Variants in DNMT1 observed in about 807,000 individuals in gnomAD.
The protein encoded by DNMT1 is DNA (cytosine-5)-methyltransferase 1.
In DNMT1, 24 loss-of-function variants were observed where a neutral mutation model predicts 205.3. The observed-to-expected ratio is 0.12, with a 90% CI of 0.08 to 0.16. The LOEUF is 0.16. DNMT1 is among the 10% of genes least tolerant of loss of function. The pLI, the probability that DNMT1 is intolerant of heterozygous loss-of-function variation, is 1.00. For missense variants in DNMT1, 1,293 were observed against 2,177.7 expected, an observed-to-expected ratio of 0.59 and a Z score of 8.09; for synonymous variants, 817 against 839.8, an observed-to-expected ratio of 0.97 and a Z score of 0.47.
chr19:10,153,060 C>T (rs954655276), intron 22 of DNMT1, among the ~76,000 whole-genome samples: 4 of 151,918 alleles, frequency 2.6e-5, no homozygotes, highest in South Asian at 2.1e-4. Context: ...GAAAGAAGAA[C>T]GCACACTGCT....
chr19:10,146,624 G>A lies in DNMT1; in HGVS notation c.2721-100C>T. On this transcript the variant is annotated intron_variant, in intron 27 of 40. Coordinates refer to ENST00000359526, the MANE Select transcript of DNMT1 (RefSeq NM_001130823.3). This position sits in a 1 kb window ranked among gnomAD's most constrained non-coding sequence, Gnocchi z 4.4. ...AATCCAGAGACTCTGGTAACCAAGA[G>A]GAAAAAACATTTGCAGATGCTAGAA... 2 of 1,481,096 alleles carry A rather than the reference G, an allele frequency of 1.4e-6. No homozygotes were observed. Among genetic ancestry groups the A allele is most frequent in the Admixed American group, 3.9e-5 (2 of 51,238 alleles). 91.7% of individuals were successfully genotyped at this position (1,481,096 alleles called of 1,614,324 possible). A position where few individuals can be genotyped will look rare whatever the true frequency, so the allele number is the denominator to read the frequency against.
chr19:10,136,109 CT>C lies in DNMT1; in HGVS notation c.4656+11del, dbSNP rs2089476626. The C allele has an allele frequency of 6.2e-7, 1 of 1,613,802 alleles. No individual in the cohort carries two copies. Among genetic ancestry groups the C allele is most frequent in the African/African-American group, 1.3e-5 (1 of 74,946 alleles). ...CCTGACCCAGGCCCTCGGATGCCCC[CT>C]CCCCACCTACCTGCTTGCCCATGGG... On this transcript the variant is annotated intron_variant, in intron 38 of 40. Coordinates refer to ENST00000359526, the MANE Select transcript of DNMT1 (RefSeq NM_001130823.3).
intron 7 of DNMT1, among the ~76,000 whole-genome samples, chr19:10,174,736 C>A (rs10413185): frequency 0.41 from 60,962 of 149,156 alleles, 12,763 homozygotes; most frequent in Middle Eastern, 0.48. Flanking sequence ...ACAACAACAA[C>A]AAAAAAAACA....
At chr19:10,169,110 G>A (rs1205048738) in intron 9 of DNMT1, among the ~76,000 whole-genome samples, 1 of 152,056 alleles carries the variant, frequency 6.6e-6, no homozygotes, top group Non-Finnish European at 1.5e-5. Flanking sequence ...CATTACAGGC[G>A]TGAGCCACCA....
rs1451708378 is a variant in DNMT1, at chr19:10,159,711, C to T, written c.1227G>A (p.Glu409=). The change falls in exon 17 of 41, where the codon GAG becomes GAA. Residue 409 remains glutamate, a synonymous_variant. Coordinates refer to ENST00000359526, the MANE Select transcript of DNMT1 (RefSeq NM_001130823.3). This position sits in a 1 kb window ranked among gnomAD's most constrained non-coding sequence, Gnocchi z 5.0. ...GCGCCTCATAACTCTCAAAGCCAGA[C>T]TCGTTGGCATCAAAGATGGACAGCT... The part of the protein sequence containing the change: ...NEKLSIFDAN[E]SGFESYEALP... 23 of 1,614,200 alleles carry T rather than the reference C, an allele frequency of 1.4e-5. No homozygotes were observed. The highest frequency in any genetic ancestry group is 1.8e-5 in the Non-Finnish European group (21 of 1,180,040).
At position 10,180,817 on chromosome 19, in the gene DNMT1, A is replaced by G. The variant is rs1166008905; in HGVS notation, c.186T>C (p.Cys62=). 6.2e-7 allele frequency: 1 copy of G among 1,614,180 alleles called. No individual in the cohort carries two copies. Among genetic ancestry groups the G allele is most frequent in the East Asian group, 2.2e-5 (1 of 44,884 alleles). The change falls in exon 3 of 41, where the codon TGT becomes TGC. Residue 62 remains cysteine (C), a synonymous_variant. Transcript: ENST00000359526. ...FLQTEIKNQL[C]DLETKLRKEE... The stretch of plus-strand genomic sequence containing the variant: ...CTTTACGTAATTTGGTTTCCAAGTC[A>G]CATAACTGATTCTTTATTTCTGTTT...
chr19:10,142,360 C>T, intron 29 of DNMT1, 140 bp from the exon 30 acceptor site: 2 of 1,169,566 alleles, frequency 1.7e-6, no homozygotes, highest in Non-Finnish European at 1.2e-6. Flanking sequence ...TAAAGACCCC[C>T]TCAGTTAGGG....
intron 17 of DNMT1, among the ~76,000 whole-genome samples, chr19:10,158,437 C>T (rs1045831375): frequency 2.6e-5 from 4 of 152,334 alleles, no homozygotes; most frequent in Admixed American, 6.5e-5. Flanking sequence ...CCTGGGGGTG[C>T]TTCCAACAGG....
At position 10,151,877 on chromosome 19, in the gene DNMT1, G is replaced by A; in HGVS notation, c.2020-30C>T. 2 of 1,606,222 alleles carry A rather than the reference G, an allele frequency of 1.2e-6. No homozygotes were observed. The highest frequency in any genetic ancestry group is 1.7e-4 in the Middle Eastern group (1 of 6,048). ...AAAATGGCATTAAAAAGGCAAATCA[G>A]GGCTGGGCACAGTGGTTCATGCCTG... On this transcript the variant is annotated intron_variant, in intron 22 of 40. Coordinates refer to ENST00000359526, the MANE Select transcript of DNMT1 (RefSeq NM_001130823.3). The surrounding 1 kb of genome is among the most constrained non-coding windows in gnomAD (Gnocchi z 5.0).
In DNMT1 at chr19:10,159,285, G is replaced by A. The variant is rs994219822; in HGVS notation, c.1280+373C>T. 4.6e-5 allele frequency among the ~76,000 whole-genome samples: 7 copies of A among 152,264 alleles called. No individual in the cohort carries two copies. The highest frequency in any genetic ancestry group is 3.3e-4 in the Admixed American group (5 of 15,288). On this transcript the variant is annotated intron_variant, in intron 17 of 40. Coordinates refer to ENST00000359526, the MANE Select transcript of DNMT1 (RefSeq NM_001130823.3). The surrounding 1 kb of genome is among the most constrained non-coding windows in gnomAD (Gnocchi z 5.0). ...GGCTGGAATGCAGTGGCACCACCTC[G>A]GCTCACTGCAGCCTCCGCCTCCAGA...
chr19:10,160,379 C>A lies in DNMT1; in HGVS notation c.1043+5G>T. The A allele has an allele frequency of 6.2e-7, 1 of 1,614,122 alleles. No homozygotes were observed. Among genetic ancestry groups the A allele is most frequent in the South Asian group, 1.1e-5 (1 of 91,070 alleles). On this transcript the variant is annotated splice_donor_5th_base_variant and intron_variant, in intron 14 of 40. Transcript: ENST00000359526. ...CTTTCGATAATGTCAAGAATAAATT[C>A]TTACGGTTCTTTGGGGGTCGTTTTG...
chr19:10,179,209 C>T (rs569030343), intron 5 of DNMT1, among the ~76,000 whole-genome samples: 51 of 151,578 alleles, frequency 3.4e-4, no homozygotes, highest in African/African-American at 1.1e-3. Flanking sequence ...AATGTTTAAC[C>T]AGGCATATAA....
At chr19:10,139,125 C>T (rs770420492) in intron 34 of DNMT1, among the ~76,000 whole-genome samples, 2 of 152,206 alleles carry the variant, frequency 1.3e-5, no homozygotes, top group South Asian at 4.1e-4. Context: ...TGAGCTGATA[C>T]AGAGAGGATG....
At chr19:10,186,038 G>A (rs544983001) in intron 1 of DNMT1, among the ~76,000 whole-genome samples, 3 of 152,168 alleles carry the variant, frequency 2.0e-5, no homozygotes, top group African/African-American at 7.2e-5. Flanking sequence ...TGACTTCTCA[G>A]TCACGCCGCT....
At position 10,168,381 on chromosome 19, in the gene DNMT1, A is replaced by G; in HGVS notation, c.769-17T>C. 1 of 1,614,034 alleles carries G rather than the reference A, an allele frequency of 6.2e-7. No individual in the cohort carries two copies. Among genetic ancestry groups the G allele is most frequent in the South Asian group, 1.1e-5 (1 of 91,084 alleles). Reference sequence around the variant, plus strand: ...CTTTTCTTCCTAAGTTGCAGGGAAAAAAGACAAGTTAATTTTTTCCATTTG... The same window carrying G: ...CTTTTCTTCCTAAGTTGCAGGGAAAGAAGACAAGTTAATTTTTTCCATTTG... On this transcript the variant is annotated splice_polypyrimidine_tract_variant and intron_variant, in intron 9 of 40. Transcript: ENST00000359526.
chr19:10,187,597 T>G (rs2039215770), intron 1 of DNMT1, among the ~76,000 whole-genome samples: 1 of 148,894 alleles, frequency 6.7e-6, no homozygotes, highest in South Asian at 2.1e-4. Flanking sequence ...TAGCTGGGTA[T>G]GACAGCACGC....
chr19:10,168,117 C>T (rs979308358), intron 10 of DNMT1, among the ~76,000 whole-genome samples: 8 of 151,714 alleles, frequency 5.3e-5, no homozygotes, highest in Non-Finnish European at 8.8e-5. Flanking sequence ...AGCAAGACTC[C>T]GTCTCAAAAT....
chr19:10,192,573 G>C (rs1408474001), intron 1 of DNMT1, among the ~76,000 whole-genome samples: 2 of 151,792 alleles, frequency 1.3e-5, no homozygotes, highest in Non-Finnish European at 2.9e-5. Flanking sequence ...ACCAGCCTGA[G>C]CAACATGGCA....
At position 10,147,243 on chromosome 19, in the gene DNMT1, CAGAG is replaced by C; in HGVS notation, c.2721-723_2721-720del. Among the ~76,000 whole-genome samples, 2 of 151,094 alleles carry C rather than the reference CAGAG, an allele frequency of 1.3e-5. 1 individual carries two copies. The highest frequency in any genetic ancestry group is 2.9e-5 in the Non-Finnish European group (2 of 67,922). On this transcript the variant is annotated intron_variant, in intron 27 of 40. Transcript: ENST00000359526. The stretch of plus-strand genomic sequence containing the variant: ...CACCACTGCATTCCAGCCTGGGTGA[CAGAG>C]GGAGACCCTGTCTCAGATAAATAAA...
Sources: gnomAD v4.1 joint callset for allele counts (sites outside exome capture counted in the v4.1 genomes callset) on GRCh38, gnomAD v4.1.1 for gene constraint, Gnocchi (gnomAD v3.1) non-coding constraint, MANE v1.5 for transcripts, NCBI Gene and HGNC (gene_info 2026-07-23, HGNC 2026-07-21) for gene names.